The following DTWD2 variants were observed in gnomAD, a reference collection of about 807,000 sequenced individuals.
DTWD2 encodes the protein DTW motif tRNA-uridine aminocarboxypropyltransferase 2.
Under a neutral mutation model 31.8 loss-of-function variants are expected in DTWD2, and 39 were observed. The observed-to-expected ratio is 1.22, with a 90% CI of 0.95 to 1.60. The LOEUF (loss-of-function observed/expected upper bound fraction) is 1.60, where lower values mean the gene tolerates loss of function less well. Ranked by LOEUF, DTWD2 falls within the 40% of genes most tolerant of loss-of-function variation. The pLI, the probability that DTWD2 is intolerant of heterozygous loss-of-function variation, is 0.00. For missense variants in DTWD2, 515 were observed against 381.5 expected, an observed-to-expected ratio of 1.35 and a Z score of -2.92; for synonymous variants, 180 against 142.8, an observed-to-expected ratio of 1.26 and a Z score of -1.86.
intron 4 of DTWD2, among the ~76,000 whole-genome samples, chr5:118,916,353 A>T (rs981868831): frequency 1.1e-4 from 17 of 152,164 alleles, no homozygotes; most frequent in African/African-American, 4.1e-4. Flanking sequence ...TCTGATTTAT[A>T]ATACATCACT....
chr5:118,967,172 G>T (rs534084069), intron 1 of DTWD2, among the ~76,000 whole-genome samples: 6 of 152,162 alleles, frequency 3.9e-5, no homozygotes, highest in African/African-American at 1.4e-4. Context: ...AAGAGAGTCA[G>T]ATTTCTTACT....
chr5:118,848,495 T>G (rs1318233908), intron 4 of DTWD2, among the ~76,000 whole-genome samples: 1 of 152,104 alleles, frequency 6.6e-6, no homozygotes, highest in Admixed American at 6.5e-5. Flanking sequence ...ACAAAAGAAG[T>G]TATAAGAATG....
intron 4 of DTWD2, among the ~76,000 whole-genome samples, chr5:118,924,960 A>T (rs1753778763): frequency 6.6e-6 from 1 of 152,200 alleles, no homozygotes; most frequent in South Asian, 2.1e-4. Context: ...AACATTTGTA[A>T]TCGGGCCTGC....
At chr5:118,909,393 C>T (rs903237784) in intron 4 of DTWD2, among the ~76,000 whole-genome samples, 1 of 152,184 alleles carries the variant, frequency 6.6e-6, no homozygotes, top group African/African-American at 2.4e-5. Flanking sequence ...GAAGCTTTCA[C>T]CACTGAGGAA....
chr5:118,911,467 A>G (rs560614478), intron 4 of DTWD2, among the ~76,000 whole-genome samples: 21 of 152,206 alleles, frequency 1.4e-4, no homozygotes, highest in Non-Finnish European at 2.5e-4. Flanking sequence ...AGAAATAAAT[A>G]TAGAACTACC....
intron 4 of DTWD2, among the ~76,000 whole-genome samples, chr5:118,859,454 T>C (rs1051844852): frequency 5.3e-5 from 8 of 152,252 alleles, no homozygotes; most frequent in Non-Finnish European, 1.2e-4. Flanking sequence ...TATACATTTT[T>C]GAAATGTTTT....
intron 4 of DTWD2, among the ~76,000 whole-genome samples, chr5:118,887,314 G>C (rs1322728461): frequency 1.3e-5 from 2 of 152,174 alleles, no homozygotes; most frequent in Non-Finnish European, 2.9e-5. Flanking sequence ...GATTCACAGA[G>C]ATTCCCAGCT....
intron 4 of DTWD2, among the ~76,000 whole-genome samples, chr5:118,892,294 T>C (rs1274995897): frequency 1.3e-5 from 2 of 152,162 alleles, no homozygotes; most frequent in Non-Finnish European, 2.9e-5. Context: ...AAGATAATCA[T>C]GTAAACACCT....
intron 4 of DTWD2, among the ~76,000 whole-genome samples, chr5:118,891,041 TACA>T (rs745805825): frequency 7.2e-5 from 11 of 152,338 alleles, no homozygotes; most frequent in Non-Finnish European, 1.5e-4. Context: ...TACATATTTA[TACA>T]ACAACTTTAC....
At chr5:118,846,997 A>T (rs1168724750) in intron 5 of DTWD2, among the ~76,000 whole-genome samples, 1 of 151,732 alleles carries the variant, frequency 6.6e-6, no homozygotes, top group Non-Finnish European at 1.5e-5. Flanking sequence ...TTTTCAAAAG[A>T]AGAAAAGTCT....
chr5:118,922,249 A>G (rs532175802), intron 4 of DTWD2, among the ~76,000 whole-genome samples: 4 of 152,354 alleles, frequency 2.6e-5, no homozygotes, highest in African/African-American at 7.2e-5. Context: ...TCATTCCTCA[A>G]TTATGTAAGT....
intron 4 of DTWD2, among the ~76,000 whole-genome samples, chr5:118,885,655 C>T (rs1752846842): frequency 6.6e-6 from 1 of 150,614 alleles, no homozygotes; most frequent in African/African-American, 2.4e-5. Context: ...ATCCCAGCTA[C>T]TCGGGAGGCT....
intron 4 of DTWD2, among the ~76,000 whole-genome samples, chr5:118,875,325 G>A (rs1752596575): frequency 6.6e-6 from 1 of 152,054 alleles, no homozygotes; most frequent in Non-Finnish European, 1.5e-5. Flanking sequence ...CTAGCATCAT[G>A]ATGACAGGAA....
At chr5:118,861,583 T>A (rs188483638) in intron 4 of DTWD2, among the ~76,000 whole-genome samples, 58 of 152,118 alleles carry the variant, frequency 3.8e-4, no homozygotes, top group Admixed American at 1.4e-3. Context: ...GATTTTTTTT[T>A]AAAAAAGAAT....
chr5:118,968,454 C>T (rs759158284), intron 1 of DTWD2, among the ~76,000 whole-genome samples: 8 of 152,200 alleles, frequency 5.3e-5, no homozygotes, highest in African/African-American at 9.6e-5. Context: ...GGTTCTCACA[C>T]TGGGACTCAC....
chr5:118,920,065 AC>A (rs961742147), intron 4 of DTWD2, among the ~76,000 whole-genome samples: 1 of 151,280 alleles, frequency 6.6e-6, no homozygotes, highest in African/African-American at 2.4e-5. Context: ...ACCATCCACC[AC>A]CCCACCTCCA....
chr5:118,907,008 A>G (rs1160438323), intron 4 of DTWD2, among the ~76,000 whole-genome samples: 3 of 152,238 alleles, frequency 2.0e-5, no homozygotes, highest in African/African-American at 7.2e-5. Context: ...AAAGAAAATG[A>G]GACTGGGAAC....
At chr5:118,987,817 G>A (rs931476879) in intron 1 of DTWD2, among the ~76,000 whole-genome samples, 2 of 152,150 alleles carry the variant, frequency 1.3e-5, no homozygotes, top group African/African-American at 4.8e-5. Context: ...CCAGTGGGAC[G>A]TATGTAGGGT....
chr5:118,953,920 T>C (rs936824265), intron 1 of DTWD2, among the ~76,000 whole-genome samples: 11 of 152,318 alleles, frequency 7.2e-5, no homozygotes, highest in South Asian at 4.1e-4. Context: ...TTATCCCAGA[T>C]ATCTGCAGAG....
Sources: gnomAD v4.1 joint callset for allele counts (sites outside exome capture counted in the v4.1 genomes callset) on GRCh38, gnomAD v4.1.1 for gene constraint, MANE v1.5 for transcripts, NCBI Gene and HGNC (gene_info 2026-07-23, HGNC 2026-07-21) for gene names.